MTMR1: variants seen among roughly 807,000 people sequenced by gnomAD.
The protein encoded by MTMR1 is phosphatidylinositol-3-phosphate phosphatase MTMR1.
A neutral mutation model predicts 51.6 loss-of-function variants in MTMR1; 17 were observed. That is an observed-to-expected ratio of 0.33 (90% CI 0.23 to 0.49). The LOEUF is 0.49. Among genes scored for constraint, MTMR1 ranks in the 20% least tolerant of loss-of-function variants. The pLI is 0.99. For missense variants in MTMR1, 386 were observed against 526.9 expected, an observed-to-expected ratio of 0.73 and a Z score of 2.62; for synonymous variants, 201 against 205.6, an observed-to-expected ratio of 0.98 and a Z score of 0.19.
At chrX:150,720,555 C>T (rs1330867179) in intron 4 of MTMR1, among the ~76,000 whole-genome samples, 1 of 111,995 alleles carries the variant, frequency 8.9e-6, no homozygotes, top group African/African-American at 3.2e-5. Context: ...GTTGTTTCTA[C>T]TGTTCGGCTG....
chrX:150,740,059 C>G (rs782673814), intron 12 of MTMR1, among the ~76,000 whole-genome samples: 3 of 111,516 alleles, frequency 2.7e-5, no homozygotes, highest in African/African-American at 6.5e-5. Context: ...TCCATTCCCC[C>G]CTCTTCCCTA....
At chrX:150,736,997 C>T (rs941278641) in intron 11 of MTMR1, among the ~76,000 whole-genome samples, 1 of 111,542 alleles carries the variant, frequency 9.0e-6, no homozygotes, top group African/African-American at 3.3e-5. Context: ...TAAAGAACTT[C>T]GTGGCCCTTT....
At chrX:150,699,325 C>A (rs782136017) in intron 2 of MTMR1, 25 bp downstream of exon 2, 2 of 1,055,392 alleles carry the variant, frequency 1.9e-6, no homozygotes, top group Non-Finnish European at 2.6e-6. Flanking sequence ...GTGTTTAATT[C>A]ATTTTCAGTA....
At chrX:150,712,878 T>G in intron 3 of MTMR1, 1 of 770,471 alleles carries the variant, frequency 1.3e-6, no homozygotes, top group African/African-American at 2.3e-5. Flanking sequence ...TTACTATTTT[T>G]TAAAATACAG....
intron 1 of MTMR1, among the ~76,000 whole-genome samples, chrX:150,695,560 C>T (rs907133266): frequency 8.9e-6 from 1 of 111,869 alleles, no homozygotes; most frequent in Non-Finnish European, 1.9e-5. Context: ...TGGGAGAATT[C>T]CAAAATTTTA....
At chrX:150,751,311 C>T (rs782303839) in intron 14 of MTMR1, 84 of 609,096 alleles carry the variant, frequency 1.4e-4, no homozygotes, top group Non-Finnish European at 1.6e-4. Context: ...AGTTACATCT[C>T]ATTTCTTTCT....
At chrX:150,713,916 T>A (rs868995311) in intron 3 of MTMR1, among the ~76,000 whole-genome samples, 1 of 104,182 alleles carries the variant, frequency 9.6e-6, no homozygotes. Flanking sequence ...TATGTGTGTA[T>A]ACACACACAC....
chrX:150,718,947 T>C (rs2041656362), intron 4 of MTMR1, among the ~76,000 whole-genome samples: 1 of 111,251 alleles, frequency 9.0e-6, no homozygotes, highest in Non-Finnish European at 1.9e-5. Context: ...TGACTTTTCC[T>C]GGTGAACTGA....
chrX:150,762,762 C>T lies in MTMR1; in HGVS notation c.*33C>T, dbSNP rs2043184548. Reference sequence around the variant, plus strand: ...GGTCAGCCTGCTGCTCCACTGTCTCCCGGTGGCTCAGGAAAGGGACCTGGC... The same window carrying T: ...GGTCAGCCTGCTGCTCCACTGTCTCTCGGTGGCTCAGGAAAGGGACCTGGC... On this transcript the variant is annotated 3_prime_UTR_variant, in exon 16 of 16. Transcript: ENST00000445323. 2.6e-6 allele frequency: 3 copies of T among 1,139,212 alleles called. No individual in the cohort carries two copies. Among genetic ancestry groups the T allele is most frequent in the Non-Finnish European group, 3.5e-6 (3 of 859,145 alleles). 93.9% of individuals were successfully genotyped at this position (1,139,212 alleles called of 1,213,427 possible). A position where few individuals can be genotyped will look rare whatever the true frequency, so the allele number is the denominator to read the frequency against.
chrX:150,736,641 A>T lies in MTMR1; in HGVS notation c.1127A>T (p.Glu376Val). Residue 376 changes from glutamate (E) to valine (V), a missense_variant, in exon 11 of 16, where the codon GAA (glutamate) becomes GTA (valine). Physicochemically the swap from Glu to Val is moderately radical, Grantham distance 121 (BLOSUM62 -2). Transcript: ENST00000445323. Reference sequence around the variant, plus strand: ...AGTGAAAGTGCTTACCCAAATGCAGAACTTGTGTTCTTGGAGATCCACAAC... The same window carrying T: ...AGTGAAAGTGCTTACCCAAATGCAGTACTTGTGTTCTTGGAGATCCACAAC... ...YESESAYPNA[E>V]LVFLEIHNIH... 4.1e-6 allele frequency: 5 copies of T among 1,211,685 alleles called. No individual in the cohort carries two copies. Among genetic ancestry groups the T allele is most frequent in the African/African-American group, 1.7e-5 (1 of 57,872 alleles).
intron 14 of MTMR1, among the ~76,000 whole-genome samples, chrX:150,752,210 C>T (rs1163640818): frequency 4.5e-5 from 5 of 111,311 alleles, no homozygotes; most frequent in Admixed American, 1.9e-4. Flanking sequence ...AAAGTATATT[C>T]TTAATCTGCC....
intron 12 of MTMR1, among the ~76,000 whole-genome samples, chrX:150,739,450 A>T (rs1557417255): frequency 1.8e-5 from 2 of 112,242 alleles, no homozygotes; most frequent in Non-Finnish European, 3.8e-5. Context: ...TGTTTGGGCC[A>T]CCTCAGAAGA....
intron 4 of MTMR1, among the ~76,000 whole-genome samples, chrX:150,720,925 C>T (rs1215825511): frequency 9.0e-6 from 1 of 111,704 alleles, no homozygotes; most frequent in Non-Finnish European, 1.9e-5. Flanking sequence ...ATAATGTTAG[C>T]TGCAGGTTTT....
chrX:150,760,596 C>T (rs1404996076), intron 15 of MTMR1, among the ~76,000 whole-genome samples: 2 of 111,952 alleles, frequency 1.8e-5, no homozygotes, highest in Admixed American at 1.9e-4. Flanking sequence ...GTTTTCTATT[C>T]CTTCAGGCAT....
chrX:150,717,357 C>CAAAAA (rs35558897), intron 3 of MTMR1, among the ~76,000 whole-genome samples: 2 of 42,741 alleles, frequency 4.7e-5, no homozygotes, highest in Non-Finnish European at 4.0e-5. Context: ...GACTCCATCT[C>CAAAAA]AAAAAAAAAA....
At chrX:150,702,966 T>C (rs1275280111) in intron 2 of MTMR1, among the ~76,000 whole-genome samples, 1 of 112,196 alleles carries the variant, frequency 8.9e-6, no homozygotes, top group Non-Finnish European at 1.9e-5. Flanking sequence ...CAAAATGTAA[T>C]AAAATATTTG....
At chrX:150,735,408 A>G in intron 10 of MTMR1, 1 of 482,543 alleles carries the variant, frequency 2.1e-6, no homozygotes, top group Admixed American at 3.0e-5. Flanking sequence ...ATTTGCATGT[A>G]TTTTCATAAG....
intron 3 of MTMR1, 91 bp from the exon 4 acceptor site, chrX:150,718,534 G>A: frequency 2.9e-6 from 3 of 1,041,076 alleles, no homozygotes; most frequent in East Asian, 3.4e-5. Context: ...ACAGAACACC[G>A]AAATTCTTCA....
chrX:150,729,245 C>T (rs1344621752), intron 6 of MTMR1, among the ~76,000 whole-genome samples: 1 of 109,995 alleles, frequency 9.1e-6, no homozygotes, highest in African/African-American at 3.3e-5. Flanking sequence ...CACACACACA[C>T]ATCCCAGAAT....
Sources: allele counts gnomAD v4.1 joint callset (sites outside exome capture counted in the v4.1 genomes callset), GRCh38; gene constraint gnomAD v4.1.1; transcripts MANE v1.5; gene names NCBI Gene and HGNC (gene_info 2026-07-23, HGNC 2026-07-21).